The following CDH13 variants were observed in gnomAD, a reference collection of about 807,000 sequenced individuals.
CDH13 encodes cadherin-13.
In CDH13, 24 loss-of-function variants were observed where a neutral mutation model predicts 63.8. That is an observed-to-expected ratio of 0.38 (90% confidence interval 0.27 to 0.53). The LOEUF is 0.53. Among genes scored for constraint, CDH13 ranks in the 20% least tolerant of loss-of-function variants. The pLI is 0.85. For missense variants in CDH13, 1,049 were observed against 903.1 expected (o/e 1.16, Z -2.07); for synonymous variants, 503 against 355.3 (o/e 1.42, Z -4.67).
chr16:82,819,368 C>A (rs936319484), intron 1 of CDH13, among the ~76,000 whole-genome samples: 1 of 152,172 alleles, frequency 6.6e-6, no homozygotes, highest in Non-Finnish European at 1.5e-5. Context: ...TGCTGATTCT[C>A]AAATTAACAA....
intron 7 of CDH13, among the ~76,000 whole-genome samples, chr16:83,487,834 C>G (rs993308966): frequency 6.6e-6 from 1 of 152,182 alleles, no homozygotes; most frequent in African/African-American, 2.4e-5. Flanking sequence ...GTTGTTTCCT[C>G]TGCTTTCTCC....
intron 1 of CDH13, among the ~76,000 whole-genome samples, chr16:82,803,626 G>T (rs2036985100): frequency 6.6e-6 from 1 of 152,154 alleles, no homozygotes; most frequent in Non-Finnish European, 1.5e-5. Context: ...TGCATGCCGT[G>T]GGATATCATT....
At chr16:83,342,050 A>G (rs981996554) in intron 5 of CDH13, among the ~76,000 whole-genome samples, 18 of 145,032 alleles carry the variant, frequency 1.2e-4, no homozygotes, top group African/African-American at 4.3e-4. Context: ...ATCATACTCT[A>G]CCCAGTGATG....
intron 4 of CDH13, among the ~76,000 whole-genome samples, chr16:83,137,519 T>C (rs1360500736): frequency 6.6e-6 from 1 of 152,224 alleles, no homozygotes; most frequent in Non-Finnish European, 1.5e-5. Flanking sequence ...AAAAAACGGC[T>C]TTCTTTGTCT....
intron 2 of CDH13, among the ~76,000 whole-genome samples, chr16:83,006,543 A>T (rs947435952): frequency 6.6e-6 from 1 of 151,098 alleles, no homozygotes; most frequent in African/African-American, 2.4e-5. Context: ...CCTCGATAAC[A>T]CCATTCTTGG....
intron 2 of CDH13, among the ~76,000 whole-genome samples, chr16:82,996,857 G>A (rs757204872): frequency 3.3e-5 from 5 of 151,664 alleles, no homozygotes; most frequent in Admixed American, 2.6e-4. Context: ...TAATGATTAC[G>A]GTGGTGGTGA....
At chr16:83,443,741 T>A (rs1350734014) in intron 6 of CDH13, among the ~76,000 whole-genome samples, 7 of 71,824 alleles carry the variant, frequency 9.7e-5, no homozygotes, top group African/African-American at 6.8e-4. Flanking sequence ...AAAAAATATA[T>A]ATATATATAT....
chr16:83,229,077 C>T (rs933131300), intron 5 of CDH13, among the ~76,000 whole-genome samples: 1 of 152,054 alleles, frequency 6.6e-6, no homozygotes, highest in African/African-American at 2.4e-5. Context: ...CAGGCCATAC[C>T]GGGCCTCACA....
chr16:83,703,717 T>G (rs1405549060), intron 10 of CDH13, among the ~76,000 whole-genome samples: 12 of 152,338 alleles, frequency 7.9e-5, no homozygotes, highest in East Asian at 5.8e-4. Context: ...AAGTACTTTT[T>G]AAGAAACAAG....
intron 3 of CDH13, among the ~76,000 whole-genome samples, chr16:83,039,390 A>G (rs1245247588): frequency 6.6e-6 from 1 of 152,064 alleles, no homozygotes. Context: ...CGGAATTGTC[A>G]CCTTCTCCAA....
At chr16:83,427,479 A>C (rs1032285429) in intron 6 of CDH13, among the ~76,000 whole-genome samples, 1 of 152,148 alleles carries the variant, frequency 6.6e-6, no homozygotes, top group Non-Finnish European at 1.5e-5. Context: ...TCCTGAAGGT[A>C]CCAGCCCCAC....
chr16:83,202,252 C>G (rs1030911921), intron 4 of CDH13, among the ~76,000 whole-genome samples: 1 of 152,286 alleles, frequency 6.6e-6, no homozygotes, highest in East Asian at 1.9e-4. Flanking sequence ...TGACATAGTG[C>G]TAGGCCCAAG....
At chr16:83,481,461 G>T (rs2073759272) in intron 6 of CDH13, among the ~76,000 whole-genome samples, 1 of 152,194 alleles carries the variant, frequency 6.6e-6, no homozygotes, top group African/African-American at 2.4e-5. Context: ...GGTTGGCCGT[G>T]CTTGAAGTCA....
chr16:82,779,352 A>G (rs1466817766), intron 1 of CDH13, among the ~76,000 whole-genome samples: 1 of 152,184 alleles, frequency 6.6e-6, no homozygotes, highest in African/African-American at 2.4e-5. Flanking sequence ...AGAACTATCC[A>G]GCCAGAAAGA....
At chr16:83,124,434 AT>A (rs2151642807) in intron 3 of CDH13, among the ~76,000 whole-genome samples, 1 of 150,650 alleles carries the variant, frequency 6.6e-6, no homozygotes, top group Non-Finnish European at 1.5e-5. Flanking sequence ...CTTTACAAAT[AT>A]TTTTCCCATT....
intron 10 of CDH13, among the ~76,000 whole-genome samples, chr16:83,695,290 T>C (rs536639776): frequency 6.6e-6 from 1 of 152,222 alleles, no homozygotes; most frequent in Admixed American, 6.5e-5. Flanking sequence ...GATTTTTCAT[T>C]TTGTGTCCAG....
intron 5 of CDH13, among the ~76,000 whole-genome samples, chr16:83,266,732 A>G (rs569189556): frequency 3.3e-5 from 5 of 152,336 alleles, no homozygotes; most frequent in Admixed American, 6.5e-5. Context: ...AACAAACATC[A>G]CAACCTGTGG....
At chr16:82,856,831 G>C (rs1269617525) in intron 1 of CDH13, among the ~76,000 whole-genome samples, 1 of 152,044 alleles carries the variant, frequency 6.6e-6, no homozygotes, top group Admixed American at 6.6e-5. Context: ...TAGATTCTCT[G>C]GTGGACTTTG....
At chr16:83,118,766 C>T (rs974034025) in intron 3 of CDH13, among the ~76,000 whole-genome samples, 4 of 152,078 alleles carry the variant, frequency 2.6e-5, no homozygotes, top group Admixed American at 2.6e-4. Context: ...TTCCTTCAAC[C>T]CCTCTGTGTC....
Sources: gnomAD v4.1 joint callset for allele counts (sites outside exome capture counted in the v4.1 genomes callset) on GRCh38, gnomAD v4.1.1 for gene constraint, MANE v1.5 for transcripts, NCBI Gene and HGNC (gene_info 2026-07-23, HGNC 2026-07-21) for gene names.